FAM153A: variants seen among roughly 807,000 people sequenced by gnomAD.
The protein encoded by FAM153A is protein FAM153A.
FAM153A carries 12 observed loss-of-function variants against 48.1 expected under a neutral mutation model. The observed-to-expected ratio is 0.25, with a 90% CI of 0.16 to 0.40. The LOEUF (loss-of-function observed/expected upper bound fraction) is 0.40, where lower values mean the gene tolerates loss of function less well. Ranked by LOEUF, FAM153A falls within the 10% of genes least tolerant of loss-of-function variation. FAM153A has a pLI of 1.00. For missense variants in FAM153A, 111 were observed against 345.8 expected, an observed-to-expected ratio of 0.32 and a Z score of 5.38; for synonymous variants, 36 against 118.2, an observed-to-expected ratio of 0.30 and a Z score of 4.51.
At chr5:177,746,042 G>A (rs1165570388) in intron 4 of FAM153A, among the ~76,000 whole-genome samples, 1 of 150,982 alleles carries the variant, frequency 6.6e-6, no homozygotes, top group Non-Finnish European at 1.5e-5. Context: ...AGGGCTTTGT[G>A]ACAAATTCAG....
intron 3 of FAM153A, among the ~76,000 whole-genome samples, 187 bp downstream of exon 5, chr5:177,748,454 G>C (rs1384926682): frequency 6.0e-3 from 129 of 21,634 alleles, no homozygotes; most frequent in African/African-American, 0.02. Context: ...CATAACTGAA[G>C]GTGTCATCTA....
At chr5:177,705,027 G>A (rs1388482701), downstream of FAM153A, among the ~76,000 whole-genome samples, 5 of 150,418 alleles carry the variant, frequency 3.3e-5, no homozygotes, top group East Asian at 9.8e-4. Context: ...ATATAGACTG[G>A]GTGCGGTGGC....
At chr5:177,754,364 G>A (rs560672714), upstream of FAM153A, among the ~76,000 whole-genome samples, 19,516 of 150,006 alleles carry the variant, frequency 0.13, 718 homozygotes, top group East Asian at 0.3. Flanking sequence ...GGAGCCCACC[G>A]CAGCTCAAGG....
intron 4 of FAM153A, among the ~76,000 whole-genome samples, chr5:177,746,089 C>T (rs1273563393): frequency 3.3e-5 from 5 of 151,420 alleles, no homozygotes; most frequent in Admixed American, 2.0e-4. Flanking sequence ...CACTCATTCC[C>T]GAGTTCACAT....
At chr5:177,708,289 T>C (rs916849359), downstream of FAM153A, among the ~76,000 whole-genome samples, 4 of 131,082 alleles carry the variant, frequency 3.1e-5, no homozygotes, top group African/African-American at 1.2e-4. Context: ...TGCTCTCTTT[T>C]TCATGGGCAG....
intron 18 of FAM153A, among the ~76,000 whole-genome samples, chr5:177,725,974 G>A (rs1192792928): frequency 6.7e-6 from 1 of 150,264 alleles, no homozygotes; most frequent in Admixed American, 6.6e-5. Context: ...GGCCAAAACT[G>A]TGCTCAATCA....
chr5:177,706,554 G>T (rs549713261), downstream of FAM153A, among the ~76,000 whole-genome samples: 1 of 151,938 alleles, frequency 6.6e-6, no homozygotes, highest in Non-Finnish European at 1.5e-5. Flanking sequence ...TAGACAAAAC[G>T]TAGTTTTAGA....
At chr5:177,696,168 C>T in the FAM153A span, among the ~76,000 whole-genome samples, 1 of 124,344 alleles carries the variant, frequency 8.0e-6, no homozygotes, top group Admixed American at 8.2e-5. Context: ...GGCAGAGGCA[C>T]TCCTCACTTC....
chr5:177,753,868 G>A (rs553289163), upstream of FAM153A, among the ~76,000 whole-genome samples: 198 of 152,006 alleles, frequency 1.3e-3, 6 homozygotes, highest in African/African-American at 4.7e-3. Flanking sequence ...GAGCCAAGAT[G>A]GCCGAATAGA....
At chr5:177,739,080 T>C in intron 10 of FAM153A, 33 bp downstream of exon 12, 2 of 1,611,526 alleles carry the variant, frequency 1.2e-6, no homozygotes, top group Non-Finnish European at 1.7e-6. Context: ...CTAAGATTTT[T>C]CCTTAGCAAA....
chr5:177,728,246 A>G (rs1290445811), intron 18 of FAM153A, among the ~76,000 whole-genome samples: 1 of 117,098 alleles, frequency 8.5e-6, no homozygotes, highest in Non-Finnish European at 1.8e-5. Context: ...TGTCCATCTG[A>G]GGACTGGGTA....
chr5:177,725,846 T>G (rs1762348510), intron 18 of FAM153A, among the ~76,000 whole-genome samples: 1 of 151,966 alleles, frequency 6.6e-6, no homozygotes, highest in Admixed American at 6.5e-5. Context: ...TTAGGATTCC[T>G]GCCAGCCACA....
chr5:177,718,844 A>G (rs1582197797), downstream of FAM153A, among the ~76,000 whole-genome samples: 1 of 150,482 alleles, frequency 6.6e-6, no homozygotes. Flanking sequence ...ACAATTTGTA[A>G]TCAAAAATAC....
At chr5:177,737,795 C>T (rs1406465058) in intron 10 of FAM153A, among the ~76,000 whole-genome samples, 2 of 151,768 alleles carry the variant, frequency 1.3e-5, no homozygotes, top group African/African-American at 4.9e-5. Flanking sequence ...GCTGGAATTA[C>T]AGGTGTGAGC....
chr5:177,705,640 A>AT (rs1261402687), downstream of FAM153A, among the ~76,000 whole-genome samples: 6 of 106,100 alleles, frequency 5.7e-5, no homozygotes, highest in African/African-American at 2.0e-4. Context: ...ACTAGAAAAC[A>AT]TTTTTCTTTT....
chr5:177,732,489 T>A, intron 14 of FAM153A, among the ~76,000 whole-genome samples: 1 of 85,994 alleles, frequency 1.2e-5, no homozygotes, highest in Non-Finnish European at 2.4e-5. Flanking sequence ...CTGCTGTGTT[T>A]TTTGTCCCTC....
chr5:177,773,817 CA>C (rs1769251968), intron 1 of FAM153A, among the ~76,000 whole-genome samples: 1 of 70,206 alleles, frequency 1.4e-5, no homozygotes, highest in East Asian at 6.6e-4. Context: ...TCAGATTCAC[CA>C]AAGTTGAAAT....
chr5:177,766,163 A>AT lies in FAM153A; in HGVS notation c.-57+14285dup, dbSNP rs1484654256. Reference sequence around the variant, plus strand: ...ACAAACAGAAAAACATGCCAATAGGATAAAAAAAAAAAAGAAAGACAAGTA... The same window carrying AT: ...ACAAACAGAAAAACATGCCAATAGGATTAAAAAAAAAAAAGAAAGACAAGTA... On this transcript the variant is annotated intron_variant, in intron 1 of 8. Transcript: ENST00000393518. Among the ~76,000 whole-genome samples, 21 of 94,876 alleles carry AT rather than the reference A, an allele frequency of 2.2e-4. 6 individuals carry two copies. The highest frequency in any genetic ancestry group is 8.5e-4 in the African/African-American group (21 of 24,840). The allele number at this position is 94,876 out of a possible 152,430, so 62.2% of individuals were successfully genotyped here.
chr5:177,702,249 A>G, the FAM153A span, among the ~76,000 whole-genome samples: 7 of 151,748 alleles, frequency 4.6e-5, no homozygotes, highest in Admixed American at 3.3e-4. Context: ...ACCTGGGTGC[A>G]TAGCTGCGTT....
Sources: gnomAD v4.1 joint callset for allele counts (sites outside exome capture counted in the v4.1 genomes callset) on GRCh38, gnomAD v4.1.1 for gene constraint, MANE v1.5 for transcripts, NCBI Gene and HGNC (gene_info 2026-07-23, HGNC 2026-07-21) for gene names.